The following GNA14 variants were observed in gnomAD, a reference collection of about 807,000 sequenced individuals.
GNA14 encodes the protein G protein subunit alpha 14.
GNA14 carries 50 observed loss-of-function variants against 42.0 expected under a neutral mutation model. That is an observed-to-expected ratio of 1.19 (90% CI 0.95 to 1.51). GNA14 has a LOEUF of 1.51. GNA14 is among the 40% of genes most tolerant of loss of function. The pLI is 0.00. For synonymous variants in GNA14, 173 were observed against 163.1 expected (o/e 1.06, Z -0.46); for missense variants, 473 against 446.2 (o/e 1.06, Z -0.54).
chr9:77,441,656 C>T (rs1564015108), intron 2 of GNA14, among the ~76,000 whole-genome samples: 1 of 151,296 alleles, frequency 6.6e-6, no homozygotes. Flanking sequence ...GTAAAAGCAC[C>T]CCTCTATAAG....
At chr9:77,519,053 A>G (rs542400869) in intron 2 of GNA14, among the ~76,000 whole-genome samples, 1 of 152,352 alleles carries the variant, frequency 6.6e-6, no homozygotes, top group South Asian at 2.1e-4. Flanking sequence ...CATCAGTTAT[A>G]AAAGCAAACT....
chr9:77,545,026 T>C (rs1328963836), intron 1 of GNA14, among the ~76,000 whole-genome samples: 2 of 151,982 alleles, frequency 1.3e-5, no homozygotes, highest in Non-Finnish European at 2.9e-5. Context: ...GTTTTGCTTA[T>C]GTTGAAAAAG....
intron 2 of GNA14, among the ~76,000 whole-genome samples, chr9:77,438,636 G>A (rs891007451): frequency 6.6e-6 from 1 of 152,004 alleles, no homozygotes; most frequent in African/African-American, 2.4e-5. Flanking sequence ...TGGGGAAAAT[G>A]GTACAAAGAC....
chr9:77,527,877 C>A (rs1355224944), intron 2 of GNA14, among the ~76,000 whole-genome samples: 1 of 152,130 alleles, frequency 6.6e-6, no homozygotes. Flanking sequence ...TCAGGTGATC[C>A]CCCTGCCTTG....
At chr9:77,603,320 T>C (rs1823596483) in intron 1 of GNA14, among the ~76,000 whole-genome samples, 1 of 152,144 alleles carries the variant, frequency 6.6e-6, no homozygotes, top group African/African-American at 2.4e-5. Context: ...CCACACATTT[T>C]ATCTGGCATC....
chr9:77,607,787 T>G (rs1034825018), intron 1 of GNA14, among the ~76,000 whole-genome samples: 2 of 152,166 alleles, frequency 1.3e-5, no homozygotes, highest in Non-Finnish European at 2.9e-5. Context: ...GGCACTGGCC[T>G]TCTTACTGTG....
chr9:77,562,615 G>T (rs765349428), intron 1 of GNA14, among the ~76,000 whole-genome samples: 9 of 152,004 alleles, frequency 5.9e-5, no homozygotes, highest in Non-Finnish European at 1.3e-4. Flanking sequence ...AAGTCCCATG[G>T]GCTGGAAAGC....
chr9:77,615,867 GTT>G (rs58878600), intron 1 of GNA14, among the ~76,000 whole-genome samples: 17,681 of 144,838 alleles, frequency 0.12, 1,211 homozygotes, highest in South Asian at 0.23. Flanking sequence ...GTTTTTTGGG[GTT>G]TTTTTTTTGG....
chr9:77,589,961 G>T (rs1823366518), intron 1 of GNA14, among the ~76,000 whole-genome samples: 1 of 152,144 alleles, frequency 6.6e-6, no homozygotes, highest in Admixed American at 6.5e-5. Flanking sequence ...CTGTCACCCA[G>T]GCTGGAGTGC....
intron 1 of GNA14, among the ~76,000 whole-genome samples, chr9:77,632,102 G>GCCC (rs144028558): frequency 6.6e-6 from 1 of 152,154 alleles, no homozygotes; most frequent in East Asian, 1.9e-4. Flanking sequence ...GCCCAGGAAG[G>GCCC]CCCCCACTGC....
In GNA14 at chr9:77,428,943, A is replaced by G; in HGVS notation, c.687T>C (p.Ser229=). 1 of 1,613,956 alleles carries G rather than the reference A, an allele frequency of 6.2e-7. No homozygotes were observed. Among genetic ancestry groups the G allele is most frequent in the Non-Finnish European group, 8.5e-7 (1 of 1,179,934 alleles). Residue 229 remains serine, a synonymous_variant, in exon 5 of 7, where the codon AGT becomes AGC. Coordinates refer to ENST00000341700, the MANE Select transcript of GNA14 (RefSeq NM_004297.4). ...ACTCAGCCAGGACCTGGTCATATTCACTCAGAGCAACCAAGAAAATAATGG... is the reference window on the plus strand; with the variant it reads ...ACTCAGCCAGGACCTGGTCATATTCGCTCAGAGCAACCAAGAAAATAATGG... ...VTSIIFLVAL[S]EYDQVLAECD... is the part of the protein sequence containing the mutation.
intron 2 of GNA14, among the ~76,000 whole-genome samples, chr9:77,488,288 T>C (rs1045014101): frequency 6.6e-6 from 1 of 152,206 alleles, no homozygotes. Context: ...AATTTCTGCC[T>C]GACTCAGGGT....
At chr9:77,644,055 G>C (rs1295579464) in intron 1 of GNA14, among the ~76,000 whole-genome samples, 3 of 152,126 alleles carry the variant, frequency 2.0e-5, no homozygotes, top group Admixed American at 6.5e-5. Flanking sequence ...TTTTTATGTT[G>C]AAATCCCAAC....
intron 1 of GNA14, among the ~76,000 whole-genome samples, chr9:77,529,904 T>C (rs560546844): frequency 1.3e-5 from 2 of 152,314 alleles, no homozygotes; most frequent in South Asian, 2.1e-4. Context: ...TCTACATTCA[T>C]ATTAGATTGA....
intron 2 of GNA14, among the ~76,000 whole-genome samples, chr9:77,480,306 A>G (rs1288173332): frequency 6.6e-6 from 1 of 152,218 alleles, no homozygotes; most frequent in Non-Finnish European, 1.5e-5. Flanking sequence ...CTATTGAGAT[A>G]ATCATGTGGT....
chr9:77,635,981 C>A (rs1391059034), intron 1 of GNA14, among the ~76,000 whole-genome samples: 1 of 152,178 alleles, frequency 6.6e-6, no homozygotes, highest in Non-Finnish European at 1.5e-5. Context: ...AATAAAAATA[C>A]TCTTTGATGC....
intron 1 of GNA14, among the ~76,000 whole-genome samples, chr9:77,594,464 A>G (rs535720091): frequency 6.6e-6 from 1 of 152,234 alleles, no homozygotes; most frequent in Non-Finnish European, 1.5e-5. Flanking sequence ...ACAAGCACCA[A>G]AAACAAATCA....
intron 1 of GNA14, among the ~76,000 whole-genome samples, chr9:77,587,729 G>T (rs34335461): frequency 2.0e-5 from 3 of 152,192 alleles, no homozygotes; most frequent in Non-Finnish European, 2.9e-5. Flanking sequence ...ATAGTACTGT[G>T]AATGTACTAA....
intron 1 of GNA14, among the ~76,000 whole-genome samples, chr9:77,582,201 A>G (rs1275109264): frequency 6.6e-6 from 1 of 152,192 alleles, no homozygotes; most frequent in African/African-American, 2.4e-5. Context: ...TCCTGGATTG[A>G]TCCCACTTGG....
Sources: gnomAD v4.1 joint callset for allele counts (sites outside exome capture counted in the v4.1 genomes callset) on GRCh38, gnomAD v4.1.1 for gene constraint, MANE v1.5 for transcripts, NCBI Gene and HGNC (gene_info 2026-07-23, HGNC 2026-07-21) for gene names.